CYP2C18: variants seen among roughly 807,000 people sequenced by gnomAD.
CYP2C18 encodes cytochrome P450 2C18.
In CYP2C18, 38 loss-of-function variants were observed where a neutral mutation model predicts 41.3. The observed-to-expected ratio is 0.92, with a 90% CI of 0.71 to 1.21. The LOEUF is 1.21. Among genes scored for constraint, CYP2C18 ranks in the 50% most tolerant of loss-of-function variants. CYP2C18 has a pLI of 0.00. For missense variants in CYP2C18, 635 were observed against 591.4 expected (o/e 1.07, Z -0.77); for synonymous variants, 236 against 210.0 (o/e 1.12, Z -1.07).
intron 5 of CYP2C18, among the ~76,000 whole-genome samples, chr10:94,709,974 G>GCTTTCTTTATGCTATA (rs1331894456): frequency 6.6e-6 from 1 of 151,940 alleles, no homozygotes; most frequent in Non-Finnish European, 1.5e-5. Flanking sequence ...CTTTATGCCA[G>GCTTTCTTTATGCTATA]TATGACAGTA....
chr10:94,690,370 A>G (rs746286398), intron 3 of CYP2C18, among the ~76,000 whole-genome samples: 22 of 152,130 alleles, frequency 1.4e-4, no homozygotes, highest in Non-Finnish European at 2.1e-4. Flanking sequence ...TAATATTGAA[A>G]TGTAACAAAC....
chr10:94,706,590 A>G (rs1847346899), intron 4 of CYP2C18, among the ~76,000 whole-genome samples, 194 bp from the exon 5 acceptor site: 1 of 152,162 alleles, frequency 6.6e-6, no homozygotes, highest in South Asian at 2.1e-4. Flanking sequence ...ATCATCTTTG[A>G]TCCCTTGTTC....
chr10:94,712,857 T>A (rs1847463212), intron 5 of CYP2C18, among the ~76,000 whole-genome samples: 1 of 152,204 alleles, frequency 6.6e-6, no homozygotes. Context: ...ACTTGTTTTT[T>A]CTCTCTTTGA....
intron 5 of CYP2C18, among the ~76,000 whole-genome samples, chr10:94,712,496 C>T (rs1314451394): frequency 6.6e-6 from 1 of 152,062 alleles, no homozygotes; most frequent in Non-Finnish European, 1.5e-5. Context: ...CCAGTTCCAT[C>T]CCTGTTATCA....
chr10:94,724,487 A>T lies in CYP2C18; in HGVS notation c.1103A>T (p.His368Leu). Residue 368 changes from histidine to leucine, a missense_variant, in exon 7 of 9, where the codon CAT (histidine) becomes CTT (leucine). Physicochemically the swap from His to Leu is moderately conservative, Grantham distance 99. Coordinates refer to ENST00000285979, the MANE Select transcript of CYP2C18 (RefSeq NM_000772.3). ...YIDLLPTNLP[H>L]AVTCDVKFKN... ...GACCTCCTCCCCACCAACCTGCCCC[A>T]TGCAGTGACCTGTGATGTTAAATTC... The T allele has an allele frequency of 1.2e-6, 2 of 1,613,598 alleles. No homozygotes were observed. The highest frequency in any genetic ancestry group is 8.5e-7 in the Non-Finnish European group (1 of 1,179,700).
intron 8 of CYP2C18, chr10:94,733,725 T>A: frequency 2.7e-6 from 1 of 367,046 alleles, no homozygotes; most frequent in Non-Finnish European, 3.8e-6. Context: ...GAGCTCTTCT[T>A]AATGGGTGAA....
At chr10:94,707,568 C>T (rs1280877704) in intron 5 of CYP2C18, among the ~76,000 whole-genome samples, 1 of 152,010 alleles carries the variant, frequency 6.6e-6, no homozygotes, top group Non-Finnish European at 1.5e-5. Flanking sequence ...TGTGTGAGCC[C>T]TAACAAGAGT....
chr10:94,699,710 T>C (rs562230483), intron 4 of CYP2C18, among the ~76,000 whole-genome samples: 10 of 152,312 alleles, frequency 6.6e-5, no homozygotes, highest in African/African-American at 2.2e-4. Context: ...GATGACATGA[T>C]TGTATATTTA....
intron 5 of CYP2C18, among the ~76,000 whole-genome samples, chr10:94,713,785 A>G (rs1231693610): frequency 6.6e-6 from 1 of 152,216 alleles, no homozygotes; most frequent in Non-Finnish European, 1.5e-5. Context: ...GAACTAGTTT[A>G]AAGTCCCACC....
intron 4 of CYP2C18, among the ~76,000 whole-genome samples, chr10:94,695,839 TTTGCATAGC>T (rs1343724641): frequency 6.6e-6 from 1 of 152,140 alleles, no homozygotes; most frequent in African/African-American, 2.4e-5. Context: ...GATTATATCC[TTTGCATAGC>T]TCAGAGGGTC....
At chr10:94,709,712 CA>C (rs1847402612) in intron 5 of CYP2C18, among the ~76,000 whole-genome samples, 1 of 152,120 alleles carries the variant, frequency 6.6e-6, no homozygotes, top group Non-Finnish European at 1.5e-5. Context: ...AAGTTTTCTT[CA>C]AATGGTTTTA....
chr10:94,706,912 G>A lies in CYP2C18; in HGVS notation c.771G>A (p.Met257Ile). 1.9e-6 allele frequency: 3 copies of A among 1,612,622 alleles called. No homozygotes were observed. Among genetic ancestry groups the A allele is most frequent in the South Asian group, 2.2e-5 (2 of 90,876 alleles). ...AAGAACATCAAGAATCCCTGGACAT[G>A]AACAGTGCTCGGGACTTTATTGATT... is the stretch of plus-strand genomic sequence containing the variant. ...RIKEHQESLD[M>I]NSARDFIDCF... is the part of the protein sequence containing the mutation. Residue 257 changes from methionine to isoleucine, a missense_variant, in exon 5 of 9, where the codon ATG (methionine) becomes ATA (isoleucine). By Grantham distance (10) the Met-to-Ile change is conservative (BLOSUM62 1). Coordinates refer to ENST00000285979, the MANE Select transcript of CYP2C18 (RefSeq NM_000772.3).
chr10:94,732,174 G>A (rs75807492), intron 7 of CYP2C18, among the ~76,000 whole-genome samples: 1,850 of 152,180 alleles, frequency 0.012, 54 homozygotes, highest in African/African-American at 0.043. Context: ...TACATGAACA[G>A]ACACTGCTCA....
chr10:94,685,100 T>C (rs890253269), intron 1 of CYP2C18, among the ~76,000 whole-genome samples: 3 of 151,950 alleles, frequency 2.0e-5, no homozygotes, highest in Non-Finnish European at 1.5e-5. Context: ...AGTGATGGGA[T>C]CATGGTCCCT....
intron 4 of CYP2C18, among the ~76,000 whole-genome samples, chr10:94,697,528 A>C (rs1022151779): frequency 6.6e-6 from 1 of 152,184 alleles, no homozygotes; most frequent in Non-Finnish European, 1.5e-5. Context: ...GCAAAAACAT[A>C]CCAAATTGTA....
At chr10:94,721,276 A>G (rs965548158) in intron 6 of CYP2C18, among the ~76,000 whole-genome samples, 5 of 152,090 alleles carry the variant, frequency 3.3e-5, no homozygotes, top group South Asian at 2.1e-4. Flanking sequence ...TGGCCTCCCA[A>G]AGTTCTTGGA....
chr10:94,687,632 A>C, intron 1 of CYP2C18, 138 bp from the exon 2 acceptor site: 1 of 861,520 alleles, frequency 1.2e-6, no homozygotes, highest in Non-Finnish European at 1.8e-6. Context: ...CTTTGTCTAA[A>C]ATATACAAAT....
intron 5 of CYP2C18, among the ~76,000 whole-genome samples, chr10:94,719,888 T>G (rs1847620276): frequency 2.0e-5 from 3 of 152,044 alleles, no homozygotes; most frequent in Admixed American, 2.0e-4. Flanking sequence ...TTTTGATTTT[T>G]TTTTTAGAGA....
intron 1 of CYP2C18, among the ~76,000 whole-genome samples, chr10:94,687,128 T>C (rs1047196985): frequency 6.6e-6 from 1 of 152,326 alleles, no homozygotes; most frequent in Non-Finnish European, 1.5e-5. Context: ...GTGTATAGCA[T>C]GGAAAACATT....
Sources: allele counts gnomAD v4.1 joint callset (sites outside exome capture counted in the v4.1 genomes callset), GRCh38; gene constraint gnomAD v4.1.1; transcripts MANE v1.5; gene names NCBI Gene and HGNC (gene_info 2026-07-23, HGNC 2026-07-21).